RSRP1: variants seen among roughly 807,000 people sequenced by gnomAD.
The protein encoded by RSRP1 is arginine/serine-rich protein 1.
A neutral mutation model predicts 33.0 loss-of-function variants in RSRP1; 37 were observed. That is an observed-to-expected ratio of 1.12 (90% CI 0.86 to 1.48). The LOEUF is 1.48. Among genes scored for constraint, RSRP1 ranks in the 40% most tolerant of loss-of-function variants. The pLI is 0.00. For synonymous variants in RSRP1, 167 were observed against 158.7 expected (o/e 1.05, Z -0.40); for missense variants, 402 against 385.3 (o/e 1.04, Z -0.36).
At chr1:25,310,467 G>C (rs1373792598) in intron 1 of RSRP1, among the ~76,000 whole-genome samples, 1 of 132,118 alleles carries the variant, frequency 7.6e-6, no homozygotes, top group Admixed American at 7.4e-5. Flanking sequence ...CTCTAGAACT[G>C]TGAGCTAAAT....
At chr1:25,256,898 C>T (rs922936823) in intron 1 of RSRP1, among the ~76,000 whole-genome samples, 3 of 152,166 alleles carry the variant, frequency 2.0e-5, no homozygotes, top group Non-Finnish European at 2.9e-5. Flanking sequence ...TTCTTTATGG[C>T]GTGTCAAGTT....
upstream of RSRP1, among the ~76,000 whole-genome samples, chr1:25,250,946 T>C (rs1033783435): frequency 1.3e-5 from 2 of 151,318 alleles, no homozygotes; most frequent in Admixed American, 6.6e-5. Flanking sequence ...GAGGCGGAGG[T>C]TGCAGTGAGC....
intron 1 of RSRP1, among the ~76,000 whole-genome samples, chr1:25,308,785 T>A (rs984966296): frequency 7.7e-6 from 1 of 129,392 alleles, no homozygotes; most frequent in African/African-American, 2.7e-5. Context: ...ATAGTGACAG[T>A]GATGATCTCT....
intron 1 of RSRP1, chr1:25,303,401 C>G (rs779150774): frequency 7.3e-7 from 1 of 1,378,902 alleles, no homozygotes; most frequent in Non-Finnish European, 1.0e-6. Flanking sequence ...CCGTGGCTTG[C>G]CATGGTGCTG....
chr1:25,267,986 A>G lies in RSRP1; in HGVS notation c.-66-20957T>C, dbSNP rs1279141115. 3.0e-5 allele frequency: 4 copies of G among 133,310 alleles called. 2 individuals are homozygous for G. Among genetic ancestry groups the G allele is most frequent in the Non-Finnish European group, 7.1e-5 (4 of 56,092 alleles). The allele number at this position is 133,310 out of a possible 1,614,324, so 8.3% of individuals were successfully genotyped here. On this transcript the variant is annotated intron_variant, in intron 1 of 1. Coordinates refer to the RSRP1 transcript ENST00000561867. Reference sequence around the variant, plus strand: ...CCTCCGCCCCGTGTCCGCATGCGCGACTGAGCCGCGGGGGTGGTACTGCTG... The same window carrying G: ...CCTCCGCCCCGTGTCCGCATGCGCGGCTGAGCCGCGGGGGTGGTACTGCTG...
intron 1 of RSRP1, among the ~76,000 whole-genome samples, chr1:25,295,857 T>TGTTTTTTTG (rs1410603257): frequency 2.5e-5 from 1 of 39,314 alleles, no homozygotes; most frequent in African/African-American, 6.3e-5. Flanking sequence ...GAAATTTTTT[T>TGTTTTTTTG]TTTTTTTTTT....
In RSRP1 at chr1:25,246,996, G is replaced by A. The variant is rs776846350; in HGVS notation, c.-33C>T. The A allele has an allele frequency of 5.9e-6, 9 of 1,521,628 alleles. No homozygotes were observed. Among genetic ancestry groups the A allele is most frequent in the South Asian group, 3.8e-5 (3 of 79,590 alleles). 94.3% of individuals were successfully genotyped at this position (1,521,628 alleles called of 1,614,324 possible). A position where few individuals can be genotyped will look rare whatever the true frequency, so the allele number is the denominator to read the frequency against. ...TGCGGCTTTAGCCTGCGCTTTCTCCGGAAAGGATCCCGCAAGCCTCAACTC... is the reference window on the plus strand; with the variant it reads ...TGCGGCTTTAGCCTGCGCTTTCTCCAGAAAGGATCCCGCAAGCCTCAACTC... On this transcript the variant is annotated 5_prime_UTR_variant, in exon 2 of 5. Transcript: ENST00000243189.
intron 1 of RSRP1, chr1:25,336,588 G>A (rs1171755257): frequency 6.7e-6 from 1 of 148,554 alleles, no homozygotes; most frequent in South Asian, 2.1e-4. Flanking sequence ...ATCATGTTAA[G>A]GCCAGAAAAG....
Position 25,333,494 on chromosome 1 carries a change from G to T in RSRP1, c.-67+4484C>A, listed in dbSNP as rs1490708932. Among the ~76,000 whole-genome samples, 2 of 129,316 alleles carry T rather than the reference G, an allele frequency of 1.5e-5. 1 individual carries two copies. The highest frequency in any genetic ancestry group is 3.6e-5 in the Non-Finnish European group (2 of 55,672). The allele number at this position is 129,316 out of a possible 152,430, so 84.8% of individuals were successfully genotyped here. ...CAGGTAGAGAAGACAAGTGTGGTGT[G>T]TATCACGGTCAGCAAAGAAGCCATG... On this transcript the variant is annotated intron_variant, in intron 1 of 1. Transcript: ENST00000561867.
At chr1:25,337,796 C>G (rs1645109380) in intron 1 of RSRP1, 1 of 151,540 alleles carries the variant, frequency 6.6e-6, no homozygotes, top group South Asian at 2.1e-4. Context: ...AGTGGGTCAC[C>G]GCGCCGAGAC....
intron 1 of RSRP1, chr1:25,272,336 A>G: frequency 1.7e-6 from 1 of 580,566 alleles, no homozygotes; most frequent in Admixed American, 3.0e-5. Context: ...ATGAATGACA[A>G]TATTGGAAAA....
In RSRP1 at chr1:25,291,843, C is replaced by G. The variant is rs1642536002; in HGVS notation, c.-66-44814G>C. Among the ~76,000 whole-genome samples, 3 of 132,650 alleles carry G rather than the reference C, an allele frequency of 2.3e-5. 1 individual carries two copies. Among genetic ancestry groups the G allele is most frequent in the Non-Finnish European group, 5.4e-5 (3 of 55,976 alleles). The allele number at this position is 132,650 out of a possible 152,430, so 87.0% of individuals were successfully genotyped here. A position where few individuals can be genotyped will look rare whatever the true frequency, so the allele number is the denominator to read the frequency against. ...CAGATCCTCTGCTGTAACCCTGACC[C>G]TGAGTGAGGACATAGCCAACCTTCC... On this transcript the variant is annotated intron_variant, in intron 1 of 1. Coordinates refer to the RSRP1 transcript ENST00000561867.
At chr1:25,264,389 G>A (rs1640256785) in intron 1 of RSRP1, among the ~76,000 whole-genome samples, 1 of 151,572 alleles carries the variant, frequency 6.6e-6, no homozygotes, top group South Asian at 2.1e-4. Context: ...CTTGACTTCT[G>A]TGCACTCGCA....
rs602917 is a variant in RSRP1, at chr1:25,274,002, C to T, written c.-66-26973G>A. Among the ~76,000 whole-genome samples the T allele has an allele frequency of 2.3e-5, 3 of 132,436 alleles. 1 individual carries two copies. The highest frequency in any genetic ancestry group is 1.9e-4 in the East Asian group (1 of 5,136). 86.9% of individuals were successfully genotyped at this position (132,436 alleles called of 152,430 possible). ...CAAGAGCTGGCACAATTTTAATTCA[C>T]TTCAATTTACTCTAATTCATTTCAA... On this transcript the variant is annotated intron_variant, in intron 1 of 1. Transcript: ENST00000561867.
intron 1 of RSRP1, among the ~76,000 whole-genome samples, chr1:25,258,163 C>A (rs966232785): frequency 4.6e-5 from 7 of 152,054 alleles, no homozygotes; most frequent in Admixed American, 3.3e-4. Flanking sequence ...ACCTACACTA[C>A]AAAAATGCAT....
In RSRP1 at chr1:25,290,961, T is replaced by C. The variant is rs1642449370; in HGVS notation, c.-66-43932A>G. On this transcript the variant is annotated intron_variant, in intron 1 of 1. Coordinates refer to the RSRP1 transcript ENST00000561867. Reference sequence around the variant, plus strand: ...GAGTTTGAGACCAGCCTGGGCATCATAGCAAGATCCTCATCTCTAAAAAGT... The same window carrying C: ...GAGTTTGAGACCAGCCTGGGCATCACAGCAAGATCCTCATCTCTAAAAAGT... Among the ~76,000 whole-genome samples, 3 of 130,800 alleles carry C rather than the reference T, an allele frequency of 2.3e-5. 1 individual carries two copies. The highest frequency in any genetic ancestry group is 2.0e-4 in the East Asian group (1 of 5,112). The allele number at this position is 130,800 out of a possible 152,430, so 85.8% of individuals were successfully genotyped here. A position where few individuals can be genotyped will look rare whatever the true frequency, so the allele number is the denominator to read the frequency against.
intron 1 of RSRP1, among the ~76,000 whole-genome samples, chr1:25,308,707 G>T (rs1377240363): frequency 7.8e-6 from 1 of 128,914 alleles, no homozygotes; most frequent in East Asian, 2.0e-4. Flanking sequence ...TCTCATCAGG[G>T]TGAGTGAGTT....
At chr1:25,263,539 A>C (rs138257356) in intron 1 of RSRP1, among the ~76,000 whole-genome samples, 178 of 151,934 alleles carry the variant, frequency 1.2e-3, no homozygotes, top group Middle Eastern at 0.01. Context: ...TCACTATCAC[A>C]AGAACAGCAC....
chr1:25,307,040 G>C (rs3118453), intron 1 of RSRP1: 247,670 of 347,296 alleles, frequency 0.71, 104,373 homozygotes, highest in South Asian at 0.85. Context: ...CTGTGGTTCA[G>C]GTCGTGATGC....
Sources: gnomAD v4.1 joint callset for allele counts (sites outside exome capture counted in the v4.1 genomes callset) on GRCh38, gnomAD v4.1.1 for gene constraint, MANE v1.5 for transcripts, NCBI Gene and HGNC (gene_info 2026-07-23, HGNC 2026-07-21) for gene names.